The following CADPS variants were observed in gnomAD, a reference collection of about 807,000 sequenced individuals.
CADPS encodes calcium dependent secretion activator, also known as calcium-dependent secretion activator 1.
A neutral mutation model predicts 167.3 loss-of-function variants in CADPS; 57 were observed. The ratio of observed to expected loss-of-function variants is 0.34; its 90% CI spans 0.28 to 0.42. CADPS has a LOEUF of 0.42. CADPS is among the 20% of genes least tolerant of loss of function. The probability of loss-of-function intolerance (pLI) is 1.00; values close to 1 mark genes in which losing one functional copy is unlikely to be tolerated. For synonymous variants in CADPS, 676 were observed against 635.3 expected (o/e 1.06, Z -0.96); for missense variants, 1,414 against 1,738.1 (o/e 0.81, Z 3.32).
At chr3:62,413,678 G>T (rs746952982) in intron 28 of CADPS, among the ~76,000 whole-genome samples, 9 of 152,046 alleles carry the variant, frequency 5.9e-5, no homozygotes, top group Non-Finnish European at 1.0e-4. Flanking sequence ...TCTACAGATC[G>T]GTTGCATAAC....
chr3:62,734,181 A>G (rs1049248882), intron 3 of CADPS, among the ~76,000 whole-genome samples: 1 of 152,128 alleles, frequency 6.6e-6, no homozygotes, highest in Non-Finnish European at 1.5e-5. Context: ...TTACCTATGT[A>G]CCCATTCATA....
chr3:62,742,906 T>C (rs773390785), intron 3 of CADPS, among the ~76,000 whole-genome samples: 1 of 152,120 alleles, frequency 6.6e-6, no homozygotes, highest in Non-Finnish European at 1.5e-5. Flanking sequence ...ATATCATGCA[T>C]CTATAAGGAA....
chr3:62,543,695 T>C (rs62243507), intron 11 of CADPS, among the ~76,000 whole-genome samples: 1,660 of 152,212 alleles, frequency 0.011, 19 homozygotes, highest in Non-Finnish European at 0.016. Context: ...AAGACTATCA[T>C]TAAATGGTCA....
intron 1 of CADPS, among the ~76,000 whole-genome samples, chr3:62,781,415 G>C (rs1450730933): frequency 6.6e-6 from 1 of 152,156 alleles, no homozygotes; most frequent in African/African-American, 2.4e-5. Flanking sequence ...TCCTTTCAAA[G>C]AGTAAGTGGA....
chr3:62,408,559 T>C (rs2048339370), intron 28 of CADPS, among the ~76,000 whole-genome samples: 1 of 152,194 alleles, frequency 6.6e-6, no homozygotes, highest in Admixed American at 6.5e-5. Context: ...AAATGGGCTT[T>C]CATTTAACTC....
At chr3:62,679,106 C>T (rs2076745789) in intron 3 of CADPS, among the ~76,000 whole-genome samples, 1 of 151,876 alleles carries the variant, frequency 6.6e-6, no homozygotes, top group South Asian at 2.1e-4. Flanking sequence ...AAAAAGTGAG[C>T]ATCTTGTTTT....
At chr3:62,784,361 T>C (rs2092163286) in intron 1 of CADPS, among the ~76,000 whole-genome samples, 1 of 152,110 alleles carries the variant, frequency 6.6e-6, no homozygotes. Context: ...ACCATATGAA[T>C]TGCATCTCAG....
intron 1 of CADPS, among the ~76,000 whole-genome samples, chr3:62,819,360 G>C (rs1425768529): frequency 6.6e-6 from 1 of 151,634 alleles, no homozygotes; most frequent in Non-Finnish European, 1.5e-5. Context: ...CAACATGTTG[G>C]AAGACCAAAT....
In CADPS at chr3:62,455,671, C is replaced by A. The variant is rs1456392087; in HGVS notation, c.3636+9696G>T. ...GGATTTTAAGTGGGGGCCCCTGCCC[C>A]CTTCTGGCATTTTTGTGTTTTGTTT... On this transcript the variant is annotated intron_variant, in intron 26 of 29. Coordinates refer to ENST00000383710, the MANE Select transcript of CADPS (RefSeq NM_003716.4). The surrounding 1 kb of genome is among the most constrained non-coding windows in gnomAD (Gnocchi z 4.4). Among the ~76,000 whole-genome samples, 1 of 152,190 alleles carries A rather than the reference C, an allele frequency of 6.6e-6. No homozygotes were observed. Among genetic ancestry groups the A allele is most frequent in the Admixed American group, 6.5e-5 (1 of 15,278 alleles).
intron 8 of CADPS, 98 bp downstream of exon 8, chr3:62,585,087 T>C: frequency 8.9e-7 from 1 of 1,129,536 alleles, no homozygotes; most frequent in Non-Finnish European, 1.3e-6. Flanking sequence ...TATTTCCTTC[T>C]ACATAGTTCT....
intron 6 of CADPS, among the ~76,000 whole-genome samples, chr3:62,642,927 C>CAAAAG (rs2067732778): frequency 6.7e-6 from 1 of 149,962 alleles, no homozygotes; most frequent in African/African-American, 2.5e-5. Flanking sequence ...CAAAACAAAA[C>CAAAAG]AAAACAAAAC....
chr3:62,559,354 G>C (rs1407047711), intron 9 of CADPS, among the ~76,000 whole-genome samples: 1 of 152,100 alleles, frequency 6.6e-6, no homozygotes, highest in Non-Finnish European at 1.5e-5. Context: ...CAATAAAGAG[G>C]TTTTACCCCC....
In CADPS at chr3:62,744,395, C is replaced by T. The variant is rs145439876; in HGVS notation, c.888+9046G>A. On this transcript the variant is annotated intron_variant, in intron 3 of 29. Transcript: ENST00000383710. The stretch of plus-strand genomic sequence containing the variant: ...GGATTGAAACACAAAGGGCTAACAA[C>T]AAAATTTAATCAATACACTATACTC... Among the ~76,000 whole-genome samples the T allele has an allele frequency of 3.8e-3, 578 of 150,448 alleles. 1 individual carries two copies. Among genetic ancestry groups the T allele is most frequent in the African/African-American group, 0.013 (520 of 41,068 alleles).
At chr3:62,808,000 A>C (rs1346542085) in intron 1 of CADPS, among the ~76,000 whole-genome samples, 1 of 151,966 alleles carries the variant, frequency 6.6e-6, no homozygotes, top group Non-Finnish European at 1.5e-5. Context: ...CAGCCTCCCG[A>C]GTAGCTGGGA....
At chr3:62,870,837 A>AC (rs1396682577) in intron 1 of CADPS, among the ~76,000 whole-genome samples, 2 of 152,190 alleles carry the variant, frequency 1.3e-5, no homozygotes, top group Admixed American at 1.3e-4. Context: ...CAAGGTAGCC[A>AC]CCCATCACCG....
Position 62,412,188 on chromosome 3 carries a change from C to T in CADPS, c.3778-9003G>A, listed in dbSNP as rs2049091639. On this transcript the variant is annotated intron_variant, in intron 28 of 29. Transcript: ENST00000383710. The surrounding 1 kb of genome is among the most constrained non-coding windows in gnomAD (Gnocchi z 4.1). ...TTAACGTCCGTAATTCTTTGGATAC[C>T]TGAAAACCCATGCCACTGAAGTCTT... is the stretch of plus-strand genomic sequence containing the variant. Among the ~76,000 whole-genome samples, 5 of 146,408 alleles carry T rather than the reference C, an allele frequency of 3.4e-5. No homozygotes were observed. In the Admixed American group the frequency reaches 3.5e-4, roughly 10 times the overall value.
At chr3:62,469,327 G>A (rs1040268037) in intron 24 of CADPS, among the ~76,000 whole-genome samples, 1 of 151,994 alleles carries the variant, frequency 6.6e-6, no homozygotes, top group Non-Finnish European at 1.5e-5. Context: ...ATCTTTCTTG[G>A]GAGATATATT....
At chr3:62,764,404 T>C (rs2086322869) in intron 2 of CADPS, among the ~76,000 whole-genome samples, 2 of 152,178 alleles carry the variant, frequency 1.3e-5, no homozygotes, top group African/African-American at 4.8e-5. Context: ...ACTTGTAAAA[T>C]TTTAAAAGAT....
intron 1 of CADPS, among the ~76,000 whole-genome samples, chr3:62,775,889 C>T (rs551711939): frequency 6.6e-6 from 1 of 152,120 alleles, no homozygotes; most frequent in Non-Finnish European, 1.5e-5. Flanking sequence ...GAAAGTATTC[C>T]GTGAAGTTGG....
Sources: gnomAD v4.1 joint callset for allele counts (sites outside exome capture counted in the v4.1 genomes callset) on GRCh38, gnomAD v4.1.1 for gene constraint, Gnocchi (gnomAD v3.1) non-coding constraint, MANE v1.5 for transcripts, NCBI Gene and HGNC (gene_info 2026-07-23, HGNC 2026-07-21) for gene names.